The following ADGRE3 variants were observed in gnomAD, a reference collection of about 807,000 sequenced individuals.
ADGRE3 encodes the protein adhesion G protein-coupled receptor E3.
ADGRE3 carries 88 observed loss-of-function variants against 80.1 expected under a neutral mutation model. The ratio of observed to expected loss-of-function variants is 1.10; its 90% CI spans 0.93 to 1.31. The LOEUF is 1.31. Ranked by LOEUF, ADGRE3 falls within the 40% of genes most tolerant of loss-of-function variation. ADGRE3 has a pLI of 0.00. For missense variants in ADGRE3, 715 were observed against 776.5 expected (o/e 0.92, Z 0.94); for synonymous variants, 281 against 294.8 (o/e 0.95, Z 0.48).
intron 9 of ADGRE3, among the ~76,000 whole-genome samples, 187 bp from the exon 10 acceptor site, chr19:14,641,803 T>C (rs1387002593): frequency 6.6e-6 from 1 of 152,116 alleles, no homozygotes; most frequent in East Asian, 1.9e-4. Context: ...TAACGTAGAT[T>C]GTTAATGTAG....
At chr19:14,662,574 CG>C (rs1227271188) in intron 3 of ADGRE3, among the ~76,000 whole-genome samples, 12 of 151,934 alleles carry the variant, frequency 7.9e-5, no homozygotes, top group African/African-American at 2.7e-4. Context: ...TTAGTAGACA[CG>C]GGGTTTCACT....
intron 5 of ADGRE3, among the ~76,000 whole-genome samples, chr19:14,657,959 T>G (rs1971818747): frequency 6.6e-6 from 1 of 151,994 alleles, no homozygotes; most frequent in Non-Finnish European, 1.5e-5. Context: ...GAGATGAAGT[T>G]TCACCATGTT....
chr19:14,672,212 G>T (rs1693105758), intron 1 of ADGRE3, among the ~76,000 whole-genome samples: 1 of 152,136 alleles, frequency 6.6e-6, no homozygotes, highest in Non-Finnish European at 1.5e-5. Flanking sequence ...CTAGTCTTTA[G>T]TCTAACCAGC....
chr19:14,673,561 AT>A (rs1446229172), intron 1 of ADGRE3, among the ~76,000 whole-genome samples: 1 of 152,198 alleles, frequency 6.6e-6, no homozygotes, highest in Non-Finnish European at 1.5e-5. Flanking sequence ...GATGGTTTGG[AT>A]TCAAATCCCA....
At chr19:14,655,350 C>T (rs751422500) in intron 5 of ADGRE3, among the ~76,000 whole-genome samples, 185 bp from the exon 6 acceptor site, 3 of 152,078 alleles carry the variant, frequency 2.0e-5, no homozygotes, top group Admixed American at 6.6e-5. Context: ...CTGTGCCCCA[C>T]GACAGGAAAA....
chr19:14,609,914 G>A, the ADGRE3 span: 1 of 608,932 alleles, frequency 1.6e-6, no homozygotes, highest in South Asian at 2.1e-5. Context: ...GGCTCACTGT[G>A]CCCGGCTTAC....
At chr19:14,600,335 C>G in the ADGRE3 span, among the ~76,000 whole-genome samples, 1 of 152,314 alleles carries the variant, frequency 6.6e-6, no homozygotes, top group South Asian at 2.1e-4. Context: ...AAGGTAGTAT[C>G]ATGCAGAGGT....
chr19:14,633,708 A>AAAATT (rs1970951073), intron 11 of ADGRE3, among the ~76,000 whole-genome samples: 2 of 123,720 alleles, frequency 1.6e-5, no homozygotes, highest in Non-Finnish European at 3.2e-5. Context: ...CCGTCTCAAA[A>AAAATT]AAAATAAAAT....
At chr19:14,608,494 G>A in the ADGRE3 span, among the ~76,000 whole-genome samples, 2 of 152,122 alleles carry the variant, frequency 1.3e-5, no homozygotes, top group African/African-American at 2.4e-5. Flanking sequence ...TTTGGTGACA[G>A]GCTGTCTGGA....
chr19:14,600,573 A>C, the ADGRE3 span, among the ~76,000 whole-genome samples: 2 of 150,906 alleles, frequency 1.3e-5, no homozygotes, highest in African/African-American at 4.9e-5. Context: ...GGAAGAGTTT[A>C]TTTCTTTTCT....
chr19:14,674,644 C>T, intron 1 of ADGRE3, 102 bp downstream of exon 1: 1 of 1,208,020 alleles, frequency 8.3e-7, no homozygotes. Flanking sequence ...TGAGAGTGTT[C>T]AGAGCAGAAG....
chr19:14,600,874 C>T, the ADGRE3 span, among the ~76,000 whole-genome samples: 9 of 143,482 alleles, frequency 6.3e-5, no homozygotes, highest in East Asian at 1.2e-3. Context: ...CAGGCGTGAG[C>T]CACCACGCTC....
At chr19:14,657,761 G>GTTTGT (rs982197132) in intron 5 of ADGRE3, among the ~76,000 whole-genome samples, 4 of 149,538 alleles carry the variant, frequency 2.7e-5, no homozygotes, top group Admixed American at 6.7e-5. Context: ...TTGTTTGTTT[G>GTTTGT]TTTGTTTTGT....
At chr19:14,616,872 G>A (rs145987563), downstream of ADGRE3, among the ~76,000 whole-genome samples, 1,014 of 147,506 alleles carry the variant, frequency 6.9e-3, 11 homozygotes, top group African/African-American at 0.024. Flanking sequence ...TCGGCTCACC[G>A]CAACCTCCAT....
At chr19:14,613,295 C>A in the ADGRE3 span, among the ~76,000 whole-genome samples, 1 of 152,098 alleles carries the variant, frequency 6.6e-6, no homozygotes, top group Non-Finnish European at 1.5e-5. Context: ...AATCATAGCT[C>A]ACTGAAGCCT....
chr19:14,662,449 G>C (rs1971974620), intron 3 of ADGRE3, among the ~76,000 whole-genome samples: 1 of 152,136 alleles, frequency 6.6e-6, no homozygotes. Flanking sequence ...GCAATGGCAG[G>C]ATCTGGGTTC....
At chr19:14,645,646 C>T (rs1448911165) in intron 8 of ADGRE3, among the ~76,000 whole-genome samples, 1 of 150,592 alleles carries the variant, frequency 6.6e-6, no homozygotes, top group Non-Finnish European at 1.5e-5. Context: ...GCGACAGAGA[C>T]TCCGACTCAA....
the ADGRE3 span, among the ~76,000 whole-genome samples, chr19:14,604,352 CTTTACCTCCCCACA>C: frequency 1.3e-5 from 2 of 152,178 alleles, no homozygotes; most frequent in East Asian, 3.8e-4. Context: ...CCCATGGTGA[CTTTACCTCCCCACA>C]TTTTTTTTTC....
chr19:14,665,275 G>A (rs1159876014), intron 2 of ADGRE3, among the ~76,000 whole-genome samples: 1 of 151,678 alleles, frequency 6.6e-6, no homozygotes, highest in Non-Finnish European at 1.5e-5. Flanking sequence ...GTGTTAGCCA[G>A]GTTGGTCTTG....
Sources: gnomAD v4.1 joint callset for allele counts (sites outside exome capture counted in the v4.1 genomes callset) on GRCh38, gnomAD v4.1.1 for gene constraint, MANE v1.5 for transcripts, NCBI Gene and HGNC (gene_info 2026-07-23, HGNC 2026-07-21) for gene names.